The following SLC24A3 variants were observed in gnomAD, a reference collection of about 807,000 sequenced individuals.
SLC24A3 encodes the protein sodium/potassium/calcium exchanger 3.
In SLC24A3, 28 loss-of-function variants were observed where a neutral mutation model predicts 75.8. The ratio of observed to expected loss-of-function variants is 0.37; its 90% CI spans 0.27 to 0.51. SLC24A3 has a LOEUF of 0.51. Among genes scored for constraint, SLC24A3 ranks in the 20% least tolerant of loss-of-function variants. The pLI is 0.94. For synonymous variants in SLC24A3, 372 were observed against 334.1 expected (o/e 1.11, Z -1.24); for missense variants, 663 against 847.8 (o/e 0.78, Z 2.71).
rs2030282153 is a variant in SLC24A3, at chr20:19,530,742, GT to G, written c.348+15180del. ...TGCAACCACTTCTGATGAGCCTGAAGTTCCAGGGAGCACAACAGAAGGCTTG... is the reference window on the plus strand; with the variant it reads ...TGCAACCACTTCTGATGAGCCTGAAGTCCAGGGAGCACAACAGAAGGCTTG... On this transcript the variant is annotated intron_variant, in intron 3 of 16. Transcript: ENST00000328041. Among the ~76,000 whole-genome samples the G allele has an allele frequency of 2.6e-5, 4 of 152,310 alleles. No homozygotes were observed. In the South Asian group the frequency reaches 8.3e-4, roughly 32 times the overall value.
chr20:19,567,736 A>G (rs1177113241), intron 3 of SLC24A3, among the ~76,000 whole-genome samples: 1 of 152,246 alleles, frequency 6.6e-6, no homozygotes, highest in East Asian at 1.9e-4. Context: ...AGAAAAATAG[A>G]TATATTGACC....
chr20:19,322,364 TC>T (rs11478273), intron 2 of SLC24A3, among the ~76,000 whole-genome samples: 3,407 of 42,572 alleles, frequency 0.08, 208 homozygotes, highest in African/African-American at 0.34. Flanking sequence ...CTTCCTTCCT[TC>T]CCTTCCTTCC....
chr20:19,504,046 A>G (rs142205473), intron 2 of SLC24A3, among the ~76,000 whole-genome samples: 4 of 152,326 alleles, frequency 2.6e-5, no homozygotes, highest in African/African-American at 7.2e-5. Flanking sequence ...TCCCCTAACC[A>G]TGGTAGACAT....
chr20:19,388,001 C>T (rs572209586), intron 2 of SLC24A3, among the ~76,000 whole-genome samples: 1 of 152,074 alleles, frequency 6.6e-6, no homozygotes, highest in East Asian at 1.9e-4. Context: ...CTATGGGGTA[C>T]AAGAGATGTT....
chr20:19,456,325 G>A (rs1987576899), intron 2 of SLC24A3, among the ~76,000 whole-genome samples: 1 of 152,108 alleles, frequency 6.6e-6, no homozygotes, highest in Admixed American at 6.5e-5. Flanking sequence ...AGGGACCTGG[G>A]GAGAGATAAT....
At chr20:19,416,982 G>A (rs1986837989) in intron 2 of SLC24A3, among the ~76,000 whole-genome samples, 1 of 152,196 alleles carries the variant, frequency 6.6e-6, no homozygotes. Context: ...AGAACTTCTT[G>A]AAGCAGGTGG....
chr20:19,385,493 C>G (rs1381281538), intron 2 of SLC24A3, among the ~76,000 whole-genome samples: 2 of 152,070 alleles, frequency 1.3e-5, no homozygotes, highest in African/African-American at 4.8e-5. Context: ...TTCCATTGAC[C>G]TGTGTGTCTG....
At position 19,293,653 on chromosome 20, in the gene SLC24A3, C is replaced by G. The variant is rs1285549825; in HGVS notation, c.271+12566C>G. On this transcript the variant is annotated intron_variant, in intron 2 of 16. Coordinates refer to ENST00000328041, the MANE Select transcript of SLC24A3 (RefSeq NM_020689.4). ...CCTGGGCAACATAACAAAACTTCGT[C>G]TCAAAAAAAAAAAAAAAAAAAAGGG... 3.3e-5 allele frequency among the ~76,000 whole-genome samples: 4 copies of G among 121,778 alleles called. No homozygotes were observed. The South Asian group carries it at 1.0e-3, about 31-fold the overall frequency. The allele number at this position is 121,778 out of a possible 152,430, so 79.9% of individuals were successfully genotyped here.
At chr20:19,659,251 CAGCG>C (rs2032299459) in intron 7 of SLC24A3, among the ~76,000 whole-genome samples, 1 of 152,238 alleles carries the variant, frequency 6.6e-6, no homozygotes, top group Non-Finnish European at 1.5e-5. Flanking sequence ...ACTGGCACAG[CAGCG>C]AGGTTCCTTT....
chr20:19,549,955 A>G (rs1169259310), intron 3 of SLC24A3, among the ~76,000 whole-genome samples: 1 of 152,252 alleles, frequency 6.6e-6, no homozygotes, highest in Non-Finnish European at 1.5e-5. Flanking sequence ...GAGAAAAACT[A>G]CATAACCTTC....
chr20:19,298,113 G>A (rs943282839), intron 2 of SLC24A3, among the ~76,000 whole-genome samples: 1 of 152,210 alleles, frequency 6.6e-6, no homozygotes, highest in Non-Finnish European at 1.5e-5. Context: ...GTGGCCAGCA[G>A]CCTCTTCATT....
intron 2 of SLC24A3, among the ~76,000 whole-genome samples, chr20:19,409,076 G>A (rs1343538344): frequency 1.3e-5 from 2 of 152,186 alleles, no homozygotes; most frequent in Non-Finnish European, 2.9e-5. Flanking sequence ...GAAGAGCTCA[G>A]TGTTCTTGGG....
At chr20:19,450,939 G>T (rs1987469378) in intron 2 of SLC24A3, among the ~76,000 whole-genome samples, 3 of 152,150 alleles carry the variant, frequency 2.0e-5, no homozygotes, top group African/African-American at 7.2e-5. Context: ...GTGGAAGTTT[G>T]CAGTGAGCTG....
In SLC24A3 at chr20:19,474,441, T is replaced by C. The variant is rs574305230; in HGVS notation, c.272-41047T>C. ...CTGTTAAGGAAAATACTAACTACAT[T>C]TGGCAATACATTAAAAGAATCACCT... On this transcript the variant is annotated intron_variant, in intron 2 of 16. Coordinates refer to ENST00000328041, the MANE Select transcript of SLC24A3 (RefSeq NM_020689.4). Among the ~76,000 whole-genome samples, 4 of 152,280 alleles carry C rather than the reference T, an allele frequency of 2.6e-5. No individual in the cohort carries two copies. The East Asian group carries it at 7.7e-4, about 29-fold the overall frequency.
rs77320731 is a variant in SLC24A3, at chr20:19,439,932, G to A, written c.272-75556G>A. ...TGCATGTGGCCAGCTTTGGGTGGGA[G>A]GGGGATGTTAGTGGCTGGGTTTCTG... is the stretch of plus-strand genomic sequence containing the variant. On this transcript the variant is annotated intron_variant, in intron 2 of 16. Transcript: ENST00000328041. 4.6e-3 allele frequency among the ~76,000 whole-genome samples: 703 copies of A among 152,306 alleles called. 3 individuals carry two copies. The highest frequency in any genetic ancestry group is 0.013 in the African/African-American group (548 of 41,564).
chr20:19,329,245 T>G (rs1232557742), intron 2 of SLC24A3, among the ~76,000 whole-genome samples: 1 of 152,186 alleles, frequency 6.6e-6, no homozygotes, highest in Admixed American at 6.5e-5. Flanking sequence ...TTTTACTGGT[T>G]AGAAATAAAA....
chr20:19,327,365 G>T (rs1354920029), intron 2 of SLC24A3, among the ~76,000 whole-genome samples: 1 of 152,216 alleles, frequency 6.6e-6, no homozygotes, highest in East Asian at 1.9e-4. Flanking sequence ...CCCATGCAAA[G>T]TGCCCTCAGG....
At chr20:19,466,488 G>A (rs184234421) in intron 2 of SLC24A3, among the ~76,000 whole-genome samples, 125 of 152,276 alleles carry the variant, frequency 8.2e-4, no homozygotes, top group Non-Finnish European at 1.3e-4. Flanking sequence ...TAATCCCAGC[G>A]CTAAGGGAAG....
intron 2 of SLC24A3, among the ~76,000 whole-genome samples, chr20:19,418,179 C>A (rs1986858032): frequency 6.6e-6 from 1 of 152,040 alleles, no homozygotes. Flanking sequence ...AGTGGAAAAG[C>A]AGGACAAAAA....
Sources: allele counts gnomAD v4.1 joint callset (sites outside exome capture counted in the v4.1 genomes callset), GRCh38; gene constraint gnomAD v4.1.1; transcripts MANE v1.5; gene names NCBI Gene and HGNC (gene_info 2026-07-23, HGNC 2026-07-21).